The following CTNNA2 variants were observed in gnomAD, a reference collection of about 807,000 sequenced individuals.
CTNNA2 encodes the protein catenin alpha 2.
CTNNA2 carries 42 observed loss-of-function variants against 101.0 expected under a neutral mutation model. The observed-to-expected ratio is 0.42, with a 90% CI of 0.32 to 0.54. CTNNA2 has a LOEUF of 0.54. CTNNA2 is among the 20% of genes least tolerant of loss of function. CTNNA2 has a pLI of 0.14. For missense variants in CTNNA2, 871 were observed against 1,223.1 expected (o/e 0.71, Z 4.29); for synonymous variants, 450 against 456.4 (o/e 0.99, Z 0.18).
At chr2:79,285,579 A>G (rs1347269629) in intron 2 of CTNNA2, among the ~76,000 whole-genome samples, 1 of 125,472 alleles carries the variant, frequency 8.0e-6, no homozygotes, top group Admixed American at 8.3e-5. Context: ...TGAGATTCTT[A>G]ATCCTGAGTT....
At chr2:79,241,765 T>A (rs1674628119) in intron 2 of CTNNA2, among the ~76,000 whole-genome samples, 1 of 152,244 alleles carries the variant, frequency 6.6e-6, no homozygotes, top group African/African-American at 2.4e-5. Flanking sequence ...TGATGGCTTA[T>A]CTGGAATTTG....
At chr2:79,546,260 G>T (rs967979205) in intron 1 of CTNNA2, among the ~76,000 whole-genome samples, 2 of 152,004 alleles carry the variant, frequency 1.3e-5, no homozygotes, top group African/African-American at 4.8e-5. Flanking sequence ...GTTTTTTCTA[G>T]GTCCTAAGTT....
chr2:80,604,302 C>T (rs576511106), intron 16 of CTNNA2, 123 bp downstream of exon 16: 1 of 728,070 alleles, frequency 1.4e-6, no homozygotes, highest in Admixed American at 2.1e-5. Context: ...GGGAGAATCA[C>T]TGATATTTTA....
At chr2:79,238,075 A>G (rs552856655) in intron 2 of CTNNA2, among the ~76,000 whole-genome samples, 1 of 152,338 alleles carries the variant, frequency 6.6e-6, no homozygotes, top group Admixed American at 6.5e-5. Context: ...TTCACCTTGC[A>G]TTCCTCACTA....
chr2:80,049,074 TTAAAA>T (rs754897957), intron 7 of CTNNA2, among the ~76,000 whole-genome samples: 14 of 152,320 alleles, frequency 9.2e-5, no homozygotes, highest in South Asian at 2.1e-4. Context: ...AATCTGTAAT[TTAAAA>T]TAGTAACAAT....
intron 4 of CTNNA2, among the ~76,000 whole-genome samples, chr2:79,406,426 G>T (rs1167300125): frequency 6.6e-6 from 1 of 151,998 alleles, no homozygotes; most frequent in African/African-American, 2.4e-5. Flanking sequence ...GCCCCACAAT[G>T]GGCATGAGAG....
intron 3 of CTNNA2, among the ~76,000 whole-genome samples, chr2:79,789,342 C>A (rs920299837): frequency 6.6e-6 from 1 of 151,986 alleles, no homozygotes; most frequent in Non-Finnish European, 1.5e-5. Flanking sequence ...GATGAGTGGG[C>A]CAGATTTTAA....
At chr2:79,708,439 G>T (rs1484735454) in intron 2 of CTNNA2, among the ~76,000 whole-genome samples, 1 of 152,096 alleles carries the variant, frequency 6.6e-6, no homozygotes, top group Non-Finnish European at 1.5e-5. Context: ...TGTTTCATGA[G>T]ATCTGTGTTC....
intron 1 of CTNNA2, among the ~76,000 whole-genome samples, chr2:79,565,798 G>C (rs1675074991): frequency 6.6e-6 from 1 of 152,046 alleles, no homozygotes; most frequent in African/African-American, 2.4e-5. Context: ...ACATACAGGA[G>C]GTTGTTGGAG....
chr2:80,139,044 T>C (rs1457677381), intron 7 of CTNNA2, among the ~76,000 whole-genome samples: 1 of 152,148 alleles, frequency 6.6e-6, no homozygotes, highest in Non-Finnish European at 1.5e-5. Flanking sequence ...TTAAAGTTGC[T>C]CTAAGCGACC....
chr2:80,074,082 G>T (rs1558781935), intron 7 of CTNNA2, among the ~76,000 whole-genome samples: 1 of 151,994 alleles, frequency 6.6e-6, no homozygotes, highest in Non-Finnish European at 1.5e-5. Context: ...AATGATTTTT[G>T]AAAATAATGT....
chr2:80,448,180 G>T (rs1388067315), intron 9 of CTNNA2, among the ~76,000 whole-genome samples: 1 of 152,064 alleles, frequency 6.6e-6, no homozygotes, highest in Non-Finnish European at 1.5e-5. Flanking sequence ...CTCCATCTTT[G>T]TCCTCAGATC....
At chr2:80,582,167 C>T (rs1252627337) in intron 14 of CTNNA2, among the ~76,000 whole-genome samples, 1 of 152,102 alleles carries the variant, frequency 6.6e-6, no homozygotes, top group Non-Finnish European at 1.5e-5. Context: ...GGCACAGTCA[C>T]CATTGTTCTT....
intron 9 of CTNNA2, among the ~76,000 whole-genome samples, chr2:80,514,170 G>T (rs368899731): frequency 6.6e-6 from 1 of 152,120 alleles, no homozygotes; most frequent in South Asian, 2.1e-4. Context: ...TTGGACTTGC[G>T]ATGGGGGTGC....
At chr2:79,687,677 A>C (rs78803334) in intron 2 of CTNNA2, 11,775 of 566,858 alleles carry the variant, frequency 0.021, 382 homozygotes, top group East Asian at 0.11. Context: ...CATGAAAATA[A>C]CTTAAAAAAC....
At chr2:80,146,464 C>T (rs1210092843) in intron 7 of CTNNA2, among the ~76,000 whole-genome samples, 1 of 152,008 alleles carries the variant, frequency 6.6e-6, no homozygotes, top group African/African-American at 2.4e-5. Flanking sequence ...GTTGACTGTC[C>T]CTGGCATGGG....
At chr2:80,305,915 C>A (rs1346026871) in intron 7 of CTNNA2, among the ~76,000 whole-genome samples, 1 of 152,160 alleles carries the variant, frequency 6.6e-6, no homozygotes, top group African/African-American at 2.4e-5. Context: ...GAATTCCCAT[C>A]GTTTCTGCCT....
chr2:79,402,109 A>G (rs1004364316), intron 4 of CTNNA2, among the ~76,000 whole-genome samples: 7 of 151,802 alleles, frequency 4.6e-5, no homozygotes, highest in Non-Finnish European at 7.4e-5. Flanking sequence ...TTTAAGACAT[A>G]AAAATTATAA....
Position 80,303,573 on chromosome 2 carries a change from C to G in CTNNA2, c.1057-89638C>G. ...AGCTGCATTAACCCCGTGAACTGGCCGGCGCGCAGCTCCGAGAGGCTGTTG... is the reference window on the plus strand; with the variant it reads ...AGCTGCATTAACCCCGTGAACTGGCGGGCGCGCAGCTCCGAGAGGCTGTTG... On this transcript the variant is annotated intron_variant, in intron 7 of 18. Transcript: ENST00000402739. The surrounding 1 kb of genome is among the most constrained non-coding windows in gnomAD (Gnocchi z 7.7). 1 of 1,614,214 alleles carries G rather than the reference C, an allele frequency of 6.2e-7. No individual in the cohort carries two copies. Among genetic ancestry groups the G allele is most frequent in the Non-Finnish European group, 8.5e-7 (1 of 1,180,040 alleles).
Sources: allele counts gnomAD v4.1 joint callset (sites outside exome capture counted in the v4.1 genomes callset), GRCh38; gene constraint gnomAD v4.1.1; non-coding constraint Gnocchi (gnomAD v3.1); transcripts MANE v1.5; gene names NCBI Gene and HGNC (gene_info 2026-07-23, HGNC 2026-07-21).